The following ST3GAL2 variants were observed in gnomAD, a reference collection of about 807,000 sequenced individuals.
ST3GAL2 encodes CMP-N-acetylneuraminate-beta-galactosamide-alpha-2,3-sialyltransferase 2.
Under a neutral mutation model 37.5 loss-of-function variants are expected in ST3GAL2, and 16 were observed. The observed-to-expected ratio is 0.43, with a 90% CI of 0.29 to 0.65. The LOEUF is 0.65. ST3GAL2 is among the 30% of genes least tolerant of loss of function. The probability of loss-of-function intolerance (pLI) is 0.17; values close to 1 mark genes in which losing one functional copy is unlikely to be tolerated. For missense variants in ST3GAL2, 383 were observed against 487.8 expected, an observed-to-expected ratio of 0.79 and a Z score of 2.02; for synonymous variants, 238 against 202.9, an observed-to-expected ratio of 1.17 and a Z score of -1.47.
At chr16:70,403,584 C>A (rs985632514) in intron 1 of ST3GAL2, among the ~76,000 whole-genome samples, 1 of 152,140 alleles carries the variant, frequency 6.6e-6, no homozygotes, top group African/African-American at 2.4e-5. Context: ...GAGGCCGAGG[C>A]GGGCGGATCA....
At position 70,388,547 on chromosome 16, in the gene ST3GAL2, C is replaced by G. The variant is rs1214929581; in HGVS notation, c.534-1G>C. 2 of 1,576,648 alleles carry G rather than the reference C, an allele frequency of 1.3e-6. No homozygotes were observed. The highest frequency in any genetic ancestry group is 1.4e-5 in the African/African-American group (1 of 73,810). ...GCCCACGGTTGGCGCCTGATTCATC[C>G]TGCAGGGACAAGAGGGTGACATGAG... On this transcript the variant is annotated splice_acceptor_variant, in intron 3 of 6. Coordinates refer to ENST00000342907, the MANE Select transcript of ST3GAL2 (RefSeq NM_006927.4). LOFTEE classifies it high-confidence loss of function.
chr16:70,426,181 CTTT>C (rs56342720), intron 1 of ST3GAL2, among the ~76,000 whole-genome samples: 6 of 99,506 alleles, frequency 6.0e-5, no homozygotes, highest in South Asian at 3.5e-4. Context: ...GGGCCAAAGC[CTTT>C]TTTTTTTTTT....
At chr16:70,388,090 C>A (rs1351694374) in intron 4 of ST3GAL2, among the ~76,000 whole-genome samples, 5 of 139,710 alleles carry the variant, frequency 3.6e-5, no homozygotes, top group Admixed American at 7.4e-5. Flanking sequence ...CCGGCCTGGG[C>A]AACAAGAGCG....
At chr16:70,428,451 C>A (rs567684480) in intron 1 of ST3GAL2, among the ~76,000 whole-genome samples, 1 of 152,340 alleles carries the variant, frequency 6.6e-6, no homozygotes, top group African/African-American at 2.4e-5. Flanking sequence ...TGTGAACAAA[C>A]TGCCATTAAC....
At chr16:70,419,633 C>T (rs1386116393) in intron 1 of ST3GAL2, among the ~76,000 whole-genome samples, 1 of 152,200 alleles carries the variant, frequency 6.6e-6, no homozygotes, top group Non-Finnish European at 1.5e-5. Flanking sequence ...ACATGAGGCC[C>T]TGGGTGCAGC....
intron 1 of ST3GAL2, among the ~76,000 whole-genome samples, chr16:70,428,581 C>T (rs2047767352): frequency 6.6e-6 from 1 of 152,234 alleles, no homozygotes; most frequent in African/African-American, 2.4e-5. Flanking sequence ...CATCTCTCCC[C>T]AGACCCCTCT....
chr16:70,397,621 G>C (rs2047525866), intron 2 of ST3GAL2, among the ~76,000 whole-genome samples: 1 of 151,970 alleles, frequency 6.6e-6, no homozygotes, highest in Non-Finnish European at 1.5e-5. Flanking sequence ...AGCTACTTGG[G>C]AGGCTGAGGC....
At chr16:70,390,837 A>C (rs2047477488) in intron 3 of ST3GAL2, among the ~76,000 whole-genome samples, 1 of 152,226 alleles carries the variant, frequency 6.6e-6, no homozygotes, top group Non-Finnish European at 1.5e-5. Context: ...CAGGTGAACC[A>C]GGTTTAAACA....
At chr16:70,385,945 A>C (rs1481601805) in intron 4 of ST3GAL2, among the ~76,000 whole-genome samples, 1 of 151,830 alleles carries the variant, frequency 6.6e-6, no homozygotes, top group Non-Finnish European at 1.5e-5. Context: ...GGACTCAAAC[A>C]ATCTACCCTC....
chr16:70,398,260 C>A lies in ST3GAL2; in HGVS notation c.271G>T (p.Gly91Cys). 6.2e-7 allele frequency: 1 copy of A among 1,613,440 alleles called. No homozygotes were observed. Among genetic ancestry groups the A allele is most frequent in the Non-Finnish European group, 8.5e-7 (1 of 1,180,032 alleles). Residue 91 changes from glycine (G) to cysteine (C), a missense_variant, in exon 2 of 7, where the codon GGT becomes TGT. Physicochemically the swap from Gly to Cys is radical, Grantham distance 159 (BLOSUM62 -3). Around this residue, in one of 2 missense-constraint regions of ST3GAL2, gnomAD observed 223 missense variants for 239.1 expected, o/e 0.93. Coordinates refer to ENST00000342907, the MANE Select transcript of ST3GAL2 (RefSeq NM_006927.4). ...CGGGTCCAGACGGGGGAAATGTTAC[C>A]GTCAAAGTGGCTGTCAAACCAGTCG... ...ASDWFDSHFD[G>C]NISPVWTREN...
intron 1 of ST3GAL2, among the ~76,000 whole-genome samples, chr16:70,403,461 C>A (rs1024209596): frequency 2.0e-5 from 3 of 152,156 alleles, no homozygotes; most frequent in African/African-American, 7.2e-5. Flanking sequence ...GCGGGAGGAT[C>A]ACTTGAGGTC....
chr16:70,395,337 G>T (rs1433454559), intron 2 of ST3GAL2, among the ~76,000 whole-genome samples, 162 bp from the exon 3 acceptor site: 1 of 152,248 alleles, frequency 6.6e-6, no homozygotes, highest in South Asian at 2.1e-4. Context: ...TCTGGGCAGT[G>T]AGGGTCTCTC....
intron 1 of ST3GAL2, among the ~76,000 whole-genome samples, chr16:70,402,086 G>C (rs941862703): frequency 6.7e-6 from 1 of 150,306 alleles, no homozygotes; most frequent in African/African-American, 2.4e-5. Flanking sequence ...GATCACCTGA[G>C]GTTGGGAGTT....
intron 1 of ST3GAL2, among the ~76,000 whole-genome samples, chr16:70,420,001 T>C (rs2047702817): frequency 6.8e-6 from 1 of 147,164 alleles, no homozygotes; most frequent in Admixed American, 6.9e-5. Flanking sequence ...ACACCACAAC[T>C]GACCATTTGA....
Position 70,389,495 on chromosome 16 carries a change from C to T in ST3GAL2, c.534-949G>A, listed in dbSNP as rs1442064094. Among the ~76,000 whole-genome samples the T allele has an allele frequency of 2.6e-5, 4 of 152,100 alleles. No homozygotes were observed. The South Asian group carries it at 6.2e-4, about 24-fold the overall frequency. ...AGCTAAGTTTTTGGTTGAGACGGAT[C>T]GCCCTGTCGCCCAGGCTGGAGTCCA... On this transcript the variant is annotated intron_variant, in intron 3 of 6. Coordinates refer to ENST00000342907, the MANE Select transcript of ST3GAL2 (RefSeq NM_006927.4).
chr16:70,427,579 C>T (rs1597576618), intron 1 of ST3GAL2, among the ~76,000 whole-genome samples: 2 of 151,972 alleles, frequency 1.3e-5, no homozygotes, highest in African/African-American at 2.4e-5. Flanking sequence ...CCTCGTGATC[C>T]GCCCGCCTCA....
chr16:70,398,666 G>A lies in ST3GAL2; in HGVS notation c.-136C>T. ...GCACGTGCTGCAGCAGGGGACAGTG[G>A]CAGGGGTCCCTTGCCACGCCCTCCC... On this transcript the variant is annotated 5_prime_UTR_variant, in exon 2 of 7. Coordinates refer to ENST00000342907, the MANE Select transcript of ST3GAL2 (RefSeq NM_006927.4). The A allele has an allele frequency of 1.2e-6, 1 of 830,106 alleles. No homozygotes were observed. The allele number at this position is 830,106 out of a possible 1,614,324, so 51.4% of individuals were successfully genotyped here. A position where few individuals can be genotyped will look rare whatever the true frequency, so the allele number is the denominator to read the frequency against.
At chr16:70,428,049 G>T (rs1377839286) in intron 1 of ST3GAL2, among the ~76,000 whole-genome samples, 1 of 152,212 alleles carries the variant, frequency 6.6e-6, no homozygotes, top group East Asian at 1.9e-4. Context: ...CCCAGGTCTG[G>T]CTGGCTGGGC....
intron 1 of ST3GAL2, among the ~76,000 whole-genome samples, chr16:70,409,805 AT>A (rs980660367): frequency 0.028 from 3,629 of 129,040 alleles, 71 homozygotes; most frequent in African/African-American, 0.067. Context: ...ACCTGGCTAA[AT>A]TTTTTTTTTT....
Sources: allele counts gnomAD v4.1 joint callset (sites outside exome capture counted in the v4.1 genomes callset), GRCh38; gene constraint gnomAD v4.1.1; regional missense constraint gnomAD v4.1.1; transcripts MANE v1.5; gene names NCBI Gene and HGNC (gene_info 2026-07-23, HGNC 2026-07-21).